The following DPH7 variants were observed in gnomAD, a reference collection of about 807,000 sequenced individuals.
DPH7 encodes the protein diphthamide biosynthesis 7.
In DPH7, 44 loss-of-function variants were observed where a neutral mutation model predicts 41.7. That is an observed-to-expected ratio of 1.05 (90% CI 0.83 to 1.36). The LOEUF (loss-of-function observed/expected upper bound fraction) is 1.36. Among genes scored for constraint, DPH7 ranks in the 40% most tolerant of loss-of-function variants. DPH7 has a pLI of 0.00. For synonymous variants in DPH7, 275 were observed against 238.0 expected (o/e 1.16, Z -1.43); for missense variants, 629 against 577.5 (o/e 1.09, Z -0.91).
At chr9:137,558,411 TA>T (rs1374244410) in intron 8 of DPH7, among the ~76,000 whole-genome samples, 5 of 151,772 alleles carry the variant, frequency 3.3e-5, no homozygotes, top group African/African-American at 1.2e-4. Flanking sequence ...AAAAAAAAAC[TA>T]AAAACTCACC....
At chr9:137,558,359 T>C (rs1837887941) in intron 8 of DPH7, among the ~76,000 whole-genome samples, 1 of 152,022 alleles carries the variant, frequency 6.6e-6, no homozygotes. Flanking sequence ...ACTCCACCAC[T>C]GCGCTCCCAC....
chr9:137,575,630 G>C (rs2133203963), intron 3 of DPH7: 1 of 1,011,312 alleles, frequency 9.9e-7, no homozygotes, highest in Non-Finnish European at 1.2e-6. Flanking sequence ...CTCCCCGACA[G>C]CTATCAGATG....
Position 137,578,749 on chromosome 9 carries a change from A to G in DPH7, c.29T>C (p.Val10Ala). 1 of 1,521,958 alleles carries G rather than the reference A, an allele frequency of 6.6e-7. No individual in the cohort carries two copies. Among genetic ancestry groups the G allele is most frequent in the Middle Eastern group, 1.8e-4 (1 of 5,670 alleles). The allele number at this position is 1,521,958 out of a possible 1,614,324, so 94.3% of individuals were successfully genotyped here. ...CGAGTCCGCGGTCAGCTCGGTGTCCACCGTTTGCAGGGCGAAACAGCCCAT... is the reference window on the plus strand; with the variant it reads ...CGAGTCCGCGGTCAGCTCGGTGTCCGCCGTTTGCAGGGCGAAACAGCCCAT... Reference protein sequence around the residue: MMGCFALQTVDTELTADSVE... With the variant: MMGCFALQTADTELTADSVE... Residue 10 changes from valine to alanine, a missense_variant, in exon 1 of 9, where the codon GTG becomes GCG. Physicochemically the swap from Val to Ala is moderately conservative, Grantham distance 64. Coordinates refer to ENST00000277540, the MANE Select transcript of DPH7 (RefSeq NM_138778.5).
chr9:137,564,863 GA>G (rs763043187), intron 7 of DPH7, 29 bp downstream of exon 7: 65 of 1,577,278 alleles, frequency 4.1e-5, no homozygotes, highest in Non-Finnish European at 1.3e-5. Flanking sequence ...AAAGAGACGA[GA>G]AGGGCCCGAG....
chr9:137,562,347 T>C (rs1488834399), intron 8 of DPH7, among the ~76,000 whole-genome samples: 1 of 151,950 alleles, frequency 6.6e-6, no homozygotes, highest in Non-Finnish European at 1.5e-5. Flanking sequence ...ACAAAACTAA[T>C]CTCAGTAAAT....
intron 5 of DPH7, among the ~76,000 whole-genome samples, chr9:137,571,518 A>G (rs926532405): frequency 5.9e-5 from 9 of 152,258 alleles, no homozygotes; most frequent in African/African-American, 1.9e-4. Context: ...GGCTGAGTGC[A>G]GTGGCTGACG....
In DPH7 at chr9:137,574,200, A is replaced by G; in HGVS notation, c.640+8T>C. On this transcript the variant is annotated splice_region_variant and intron_variant, in intron 5 of 8. Coordinates refer to ENST00000277540, the MANE Select transcript of DPH7 (RefSeq NM_138778.5). ...TCCATCAGAGGTGACCGGTGGAGGAATACTGACCTGAATACACAATTTCTG... is the reference window on the plus strand; with the variant it reads ...TCCATCAGAGGTGACCGGTGGAGGAGTACTGACCTGAATACACAATTTCTG... 6.2e-7 allele frequency: 1 copy of G among 1,613,704 alleles called. No individual in the cohort carries two copies. Among genetic ancestry groups the G allele is most frequent in the South Asian group, 1.1e-5 (1 of 91,052 alleles).
chr9:137,570,850 G>C (rs573406489), intron 5 of DPH7, among the ~76,000 whole-genome samples: 2 of 152,210 alleles, frequency 1.3e-5, no homozygotes, highest in East Asian at 3.9e-4. Context: ...CAGCACCCTT[G>C]GTCCCCTCTC....
Position 137,578,875 on chromosome 9 carries a change from G to A in DPH7, c.-98C>T, listed in dbSNP as rs1428117698. 1.6e-6 allele frequency: 2 copies of A among 1,248,224 alleles called. No individual in the cohort carries two copies. The highest frequency in any genetic ancestry group is 3.2e-5 in the East Asian group (1 of 31,250). The allele number at this position is 1,248,224 out of a possible 1,614,324, so 77.3% of individuals were successfully genotyped here. ...GCGGCGAGGCCGGGGCCGGCCGGAC[G>A]AGCGCAGAGCCCCAGGGACACCGTC... On this transcript the variant is annotated 5_prime_UTR_variant, in exon 1 of 9. Coordinates refer to ENST00000277540, the MANE Select transcript of DPH7 (RefSeq NM_138778.5).
chr9:137,561,032 A>AC (rs1838472127), intron 8 of DPH7, among the ~76,000 whole-genome samples: 15 of 150,928 alleles, frequency 9.9e-5, no homozygotes, highest in Admixed American at 9.9e-4. Context: ...AAAAAAAAAA[A>AC]AAAAAAAAAG....
At position 137,564,600 on chromosome 9, in the gene DPH7, A is replaced by C; in HGVS notation, c.783T>G (p.Asp261Glu). ...REHILATGSY[D>E]EHILLWDTRN... ...GTGTGTCCCACAGTAGGATGTGTTC[A>C]TCATAGCTGAAACCGACCAACCACA... Residue 261 changes from aspartate to glutamate, a missense_variant, in exon 8 of 9, where the codon GAT becomes GAG. By Grantham distance (45) the Asp-to-Glu change is conservative (BLOSUM62 2). Coordinates refer to ENST00000277540, the MANE Select transcript of DPH7 (RefSeq NM_138778.5). 6.2e-7 allele frequency: 1 copy of C among 1,610,240 alleles called. No individual in the cohort carries two copies. Among genetic ancestry groups the C allele is most frequent in the South Asian group, 1.1e-5 (1 of 91,004 alleles).
At chr9:137,558,774 C>T (rs956767599) in intron 8 of DPH7, among the ~76,000 whole-genome samples, 1 of 152,102 alleles carries the variant, frequency 6.6e-6, no homozygotes, top group South Asian at 2.1e-4. Context: ...GTGTCACTGT[C>T]GCCAGGCTGG....
At chr9:137,569,891 C>T (rs1280177873) in intron 5 of DPH7, among the ~76,000 whole-genome samples, 10 of 151,100 alleles carry the variant, frequency 6.6e-5, no homozygotes, top group East Asian at 2.0e-4. Context: ...TCCATCCACA[C>T]GCCCTCCCAC....
Position 137,578,847 on chromosome 9 carries a change from G to C in DPH7, c.-70C>G. 1.5e-6 allele frequency: 2 copies of C among 1,322,210 alleles called. No homozygotes were observed. Among genetic ancestry groups the C allele is most frequent in the Non-Finnish European group, 1.9e-6 (2 of 1,030,244 alleles). 81.9% of individuals were successfully genotyped at this position (1,322,210 alleles called of 1,614,324 possible). A position where few individuals can be genotyped will look rare whatever the true frequency, so the allele number is the denominator to read the frequency against. ...GGCGGGGCCGGGCTGGGTACTGCGC[G>C]GGGCGGCGAGGCCGGGGCCGGCCGG... On this transcript the variant is annotated 5_prime_UTR_variant, in exon 1 of 9. Transcript: ENST00000277540.
intron 5 of DPH7, among the ~76,000 whole-genome samples, chr9:137,571,448 G>A (rs1840417316): frequency 6.6e-6 from 1 of 152,148 alleles, no homozygotes; most frequent in Admixed American, 6.5e-5. Context: ...GCCTCCTAAA[G>A]TGCTGGGATT....
chr9:137,578,145 C>T (rs1237733125), intron 1 of DPH7: 2 of 182,174 alleles, frequency 1.1e-5, no homozygotes, highest in African/African-American at 4.8e-5. Flanking sequence ...GGTGACAGTG[C>T]AAGACCTTGT....
chr9:137,575,909 T>C (rs1194940285), intron 3 of DPH7, 171 bp downstream of exon 3: 5 of 1,419,336 alleles, frequency 3.5e-6, no homozygotes, highest in African/African-American at 2.9e-5. Context: ...GAGTTGGATG[T>C]AGAACGCAAT....
At position 137,556,708 on chromosome 9, in the gene DPH7, T is replaced by C. The variant is rs866925244; in HGVS notation, c.950-1060A>G. ...CGGGAGGAAGCCCCTGGGGAGGCCG[T>C]TACTGTCCCTTGGGAGGTAGCGTCA... On this transcript the variant is annotated intron_variant, in intron 8 of 8. Transcript: ENST00000277540. This position sits in a 1 kb window ranked among gnomAD's most constrained non-coding sequence, Gnocchi z 5.2. 89 of 415,256 alleles carry C rather than the reference T, an allele frequency of 2.1e-4. No homozygotes were observed. Among genetic ancestry groups the C allele is most frequent in the African/African-American group, 1.8e-3 (88 of 48,770 alleles). 25.7% of individuals were successfully genotyped at this position (415,256 alleles called of 1,614,324 possible).
chr9:137,563,531 CAAA>C (rs3041762), intron 8 of DPH7, among the ~76,000 whole-genome samples: 1 of 85,214 alleles, frequency 1.2e-5, no homozygotes, highest in Non-Finnish European at 2.4e-5. Context: ...GACTCCGTCT[CAAA>C]AAAAAAAAAA....
Sources: allele counts gnomAD v4.1 joint callset (sites outside exome capture counted in the v4.1 genomes callset), GRCh38; gene constraint gnomAD v4.1.1; non-coding constraint Gnocchi (gnomAD v3.1); transcripts MANE v1.5; gene names NCBI Gene and HGNC (gene_info 2026-07-23, HGNC 2026-07-21).